Variants in VWA3A observed in about 807,000 individuals in gnomAD.
VWA3A encodes the protein von Willebrand factor A domain containing 3A.
A neutral mutation model predicts 160.4 loss-of-function variants in VWA3A; 134 were observed. The observed-to-expected ratio is 0.84, with a 90% CI of 0.73 to 0.96. The LOEUF (loss-of-function observed/expected upper bound fraction) is 0.96, where lower values mean the gene tolerates loss of function less well. Among genes scored for constraint, VWA3A ranks in the 40% least tolerant of loss-of-function variants. VWA3A has a pLI of 0.00. For missense variants in VWA3A, 1,310 were observed against 1,447.9 expected (o/e 0.90, Z 1.55); for synonymous variants, 476 against 543.4 (o/e 0.88, Z 1.72).
rs2045953201 is a variant in VWA3A at position 22,131,730 on chromosome 16, G to A, written c.1872+1G>A. 6.2e-7 allele frequency: 1 copy of A among 1,612,774 alleles called. No individual in the cohort carries two copies. The highest frequency in any genetic ancestry group is 8.5e-7 in the Non-Finnish European group (1 of 1,179,260). ...TGGGGGCATCCCCGACCAGGACATG[G>A]TGGGTAGGCCACGTCCTGGGTGTCC... On this transcript the variant is annotated splice_donor_variant, in intron 19 of 33. Coordinates refer to ENST00000389398, the MANE Select transcript of VWA3A (RefSeq NM_173615.5). LOFTEE classifies it high-confidence loss of function.
At chr16:22,118,304 AATT>A (rs111358644) in intron 11 of VWA3A, among the ~76,000 whole-genome samples, 2 of 151,688 alleles carry the variant, frequency 1.3e-5, no homozygotes, top group African/African-American at 4.8e-5. Context: ...AAAATAAATA[AATT>A]ATTATTATTA....
In VWA3A at chr16:22,110,825, A is replaced by G. The variant is rs1043434836; in HGVS notation, c.583-63A>G. ...CCAGAGGGGCCAGCAAAGGCCAGAGAGGCAAAGCCAGGCTCCCGATTCCCC... is the reference window on the plus strand; with the variant it reads ...CCAGAGGGGCCAGCAAAGGCCAGAGGGGCAAAGCCAGGCTCCCGATTCCCC... On this transcript the variant is annotated intron_variant, in intron 7 of 33. Transcript: ENST00000389398. 55 of 1,482,144 alleles carry G rather than the reference A, an allele frequency of 3.7e-5. 1 individual carries two copies. Among genetic ancestry groups the G allele is most frequent in the Admixed American group, 2.1e-4 (10 of 48,604 alleles). The allele number at this position is 1,482,144 out of a possible 1,614,324, so 91.8% of individuals were successfully genotyped here. A position where few individuals can be genotyped will look rare whatever the true frequency, so the allele number is the denominator to read the frequency against.
intron 28 of VWA3A, among the ~76,000 whole-genome samples, chr16:22,148,992 C>A (rs2046302727): frequency 6.6e-6 from 1 of 152,100 alleles, no homozygotes; most frequent in Admixed American, 6.5e-5. Context: ...CCGAAGGGGA[C>A]CCCAGGGGAC....
chr16:22,127,061 A>G (rs1316833935), intron 17 of VWA3A, among the ~76,000 whole-genome samples: 2 of 149,552 alleles, frequency 1.3e-5, no homozygotes, highest in African/African-American at 2.4e-5. Flanking sequence ...ATTATATTTT[A>G]TATATAATTA....
At chr16:22,131,179 G>C in intron 17 of VWA3A, 26 bp from the exon 18 acceptor site, 10 of 1,611,346 alleles carry the variant, frequency 6.2e-6, no homozygotes, top group Non-Finnish European at 8.5e-6. Flanking sequence ...CCCAGCCTAA[G>C]AACGAACTCT....
In VWA3A at chr16:22,150,071, CGAGT is replaced by C; in HGVS notation, c.3129+144_3129+147del. 5 of 1,249,420 alleles carry C rather than the reference CGAGT, an allele frequency of 4.0e-6. No homozygotes were observed. In the South Asian group the frequency reaches 8.2e-5, roughly 20 times the overall value. 77.4% of individuals were successfully genotyped at this position (1,249,420 alleles called of 1,614,324 possible). A position where few individuals can be genotyped will look rare whatever the true frequency, so the allele number is the denominator to read the frequency against. ...TACATCATTTCATCTTCCCAACACC[CGAGT>C]GAGAAAAGGATTCTCAATGTTCTCA... On this transcript the variant is annotated intron_variant, in intron 29 of 33. Transcript: ENST00000389398.
rs550105037 is a variant in VWA3A at position 22,133,008 on chromosome 16, C to T, written c.1981C>T (p.Arg661Cys). The part of the protein sequence containing the change: ...EPKMDTTPPA[R>C]YASHTDTAAA... The stretch of plus-strand genomic sequence containing the variant: ...AAAGATGGACACCACACCCCCTGCC[C>T]GCTATGCCAGTCACACTGACACAGC... The change falls in exon 20 of 34, where the codon CGC (arginine) becomes TGC (cysteine). Residue 661 changes from arginine (R) to cysteine (C), a missense_variant. Coordinates refer to ENST00000389398, the MANE Select transcript of VWA3A (RefSeq NM_173615.5). 38 of 1,613,988 alleles carry T rather than the reference C, an allele frequency of 2.4e-5. No homozygotes were observed. The highest frequency in any genetic ancestry group is 1.2e-4 in the African/African-American group (9 of 75,050).
intron 17 of VWA3A, among the ~76,000 whole-genome samples, chr16:22,126,569 G>A (rs899883821): frequency 2.0e-5 from 3 of 152,066 alleles, no homozygotes; most frequent in Non-Finnish European, 2.9e-5. Context: ...CAGCCCATTG[G>A]CCCATTTGGC....
chr16:22,143,505 C>T (rs1261042936), intron 25 of VWA3A, among the ~76,000 whole-genome samples: 1 of 152,078 alleles, frequency 6.6e-6, no homozygotes, highest in Non-Finnish European at 1.5e-5. Flanking sequence ...TTCTTGTGTC[C>T]CTCATTGTGA....
intron 9 of VWA3A, among the ~76,000 whole-genome samples, chr16:22,115,827 A>G (rs181529857): frequency 2.3e-4 from 32 of 142,078 alleles, no homozygotes; most frequent in Admixed American, 6.0e-4. Flanking sequence ...ACAGAGTGAG[A>G]CCCAGGGAAG....
Position 22,133,088 on chromosome 16 carries a change from A to AAGTGTTCCACTGG in VWA3A, c.2061_2062insAGTGTTCCACTGG (p.Asp688SerfsTer10). On this transcript the variant is annotated frameshift_variant, in exon 20 of 34. Transcript: ENST00000389398. LOFTEE classifies it high-confidence loss of function. ...CAGGTGGCCGCTTCCACTGGTTTGG[A>AAGTGTTCCACTGG]GACACAGGTACATGACTGTTTCCTC... 6.2e-7 allele frequency: 1 copy of AAGTGTTCCACTGG among 1,612,016 alleles called. No homozygotes were observed. Among genetic ancestry groups the AAGTGTTCCACTGG allele is most frequent in the Non-Finnish European group, 8.5e-7 (1 of 1,179,110 alleles).
chr16:22,116,622 A>G (rs1221594611), intron 9 of VWA3A, 137 bp from the exon 10 acceptor site: 1 of 698,760 alleles, frequency 1.4e-6, no homozygotes, highest in African/African-American at 1.7e-5. Context: ...CTAGCCCTGC[A>G]TGCCACATAG....
intron 21 of VWA3A, among the ~76,000 whole-genome samples, chr16:22,136,829 G>A (rs1319569531): frequency 1.3e-5 from 2 of 151,624 alleles, no homozygotes; most frequent in Non-Finnish European, 2.9e-5. Flanking sequence ...TCAGGAGATC[G>A]AGACCATCCT....
intron 1 of VWA3A, among the ~76,000 whole-genome samples, chr16:22,092,905 A>G (rs1901383427): frequency 6.6e-6 from 1 of 152,030 alleles, no homozygotes; most frequent in South Asian, 2.1e-4. Flanking sequence ...CCACAGGAGG[A>G]GTGGTTTCCT....
intron 13 of VWA3A, 29 bp downstream of exon 13, chr16:22,121,132 G>A (rs746331381): frequency 1.2e-5 from 19 of 1,613,482 alleles, no homozygotes; most frequent in Non-Finnish European, 1.5e-5. Flanking sequence ...CAGAACCCAG[G>A]AAACAGGTGA....
At chr16:22,100,568 C>A in intron 5 of VWA3A, 75 bp downstream of exon 5, 1 of 1,412,096 alleles carries the variant, frequency 7.1e-7, no homozygotes, top group Non-Finnish European at 9.8e-7. Context: ...GGCATGGTGG[C>A]TTATACCTGT....
At chr16:22,122,988 T>C in intron 14 of VWA3A, 97 bp from the exon 15 acceptor site, 1 of 1,028,524 alleles carries the variant, frequency 9.7e-7, no homozygotes, top group South Asian at 1.4e-5. Flanking sequence ...CAGAGTCCAC[T>C]TCACTCTCCT....
At chr16:22,122,056 G>A (rs2045744619) in intron 14 of VWA3A, among the ~76,000 whole-genome samples, 1 of 152,152 alleles carries the variant, frequency 6.6e-6, no homozygotes, top group Admixed American at 6.6e-5. Flanking sequence ...GGAAATCAAT[G>A]CATGTTTACT....
chr16:22,122,951 G>A (rs1398917870), intron 14 of VWA3A, 134 bp from the exon 15 acceptor site: 7 of 679,586 alleles, frequency 1.0e-5, no homozygotes, highest in Non-Finnish European at 1.8e-5. Flanking sequence ...GATGTGGGAG[G>A]GAGTTCGATC....
Sources: allele counts gnomAD v4.1 joint callset (sites outside exome capture counted in the v4.1 genomes callset), GRCh38; gene constraint gnomAD v4.1.1; transcripts MANE v1.5; gene names NCBI Gene and HGNC (gene_info 2026-07-23, HGNC 2026-07-21).